The following CFH variants were observed in gnomAD, a reference collection of about 807,000 sequenced individuals.
CFH encodes the protein complement factor H.
Under a neutral mutation model 147.3 loss-of-function variants are expected in CFH, and 53 were observed. That is an observed-to-expected ratio of 0.36 (90% CI 0.29 to 0.45). The LOEUF (loss-of-function observed/expected upper bound fraction) is 0.45, where lower values mean the gene tolerates loss of function less well. Ranked by LOEUF, CFH falls within the 20% of genes least tolerant of loss-of-function variation. The pLI, the probability that CFH is intolerant of heterozygous loss-of-function variation, is 1.00. For synonymous variants in CFH, 536 were observed against 489.4 expected (o/e 1.10, Z -1.26); for missense variants, 1,380 against 1,498.0 (o/e 0.92, Z 1.30).
In CFH at chr1:196,715,638, A is replaced by G. The variant is rs1668852429; in HGVS notation, c.1565A>G (p.Asp522Gly). ...TTTATGAATGCCAGAACTAAAAATG[A>G]CTTCACATGGTTTAAGCTGAATGAC... Reference protein sequence around the residue: ...PVFMNARTKNDFTWFKLNDTL... With the variant: ...PVFMNARTKNGFTWFKLNDTL... The change falls in exon 11 of 22, where the codon GAC (aspartate) becomes GGC (glycine). Residue 522 changes from aspartate (D) to glycine (G), a missense_variant. Coordinates refer to ENST00000367429, the MANE Select transcript of CFH (RefSeq NM_000186.4). The G allele has an allele frequency of 5.6e-6, 9 of 1,612,818 alleles. No individual in the cohort carries two copies. The highest frequency in any genetic ancestry group is 1.7e-4 in the Middle Eastern group (1 of 6,048).
At chr1:196,714,051 C>T (rs914149143) in intron 10 of CFH, 134 bp downstream of exon 10, 2 of 769,016 alleles carry the variant, frequency 2.6e-6, no homozygotes. Flanking sequence ...ACAAAGCAGA[C>T]ATCAATTTTT....
chr1:196,744,933 C>G (rs999225638), intron 20 of CFH, among the ~76,000 whole-genome samples: 8 of 151,948 alleles, frequency 5.3e-5, no homozygotes, highest in African/African-American at 1.9e-4. Flanking sequence ...GTATTGATCC[C>G]CTTACTTGTA....
At chr1:196,667,256 G>A (rs1026525141) in intron 1 of CFH, among the ~76,000 whole-genome samples, 5 of 152,146 alleles carry the variant, frequency 3.3e-5, no homozygotes, top group Admixed American at 3.3e-4. Context: ...GTTTCATGGT[G>A]TAAATTCTCA....
In CFH at chr1:196,679,742, G is replaced by A. The variant is rs1292872264; in HGVS notation, c.739G>A (p.Gly247Arg). Residue 247 changes from glycine to arginine, a missense_variant, in exon 6 of 22, where the codon GGA becomes AGA. Around this residue, in one of 4 missense-constraint regions of CFH, gnomAD observed 167 missense variants for 228.0 expected, o/e 0.73. Transcript: ENST00000367429. ...CNMGYEYSER[G>R]DAVCTESGWR... ...CATGGGTTATGAATACAGTGAAAGAGGAGATGCTGTATGCACTGAATCTGG... is the reference window on the plus strand; with the variant it reads ...CATGGGTTATGAATACAGTGAAAGAAGAGATGCTGTATGCACTGAATCTGG... The A allele has an allele frequency of 2.5e-6, 4 of 1,611,722 alleles. No individual in the cohort carries two copies. The Admixed American group carries it at 5.0e-5, about 20-fold the overall frequency.
intron 17 of CFH, among the ~76,000 whole-genome samples, chr1:196,739,571 C>A (rs1652732189): frequency 6.6e-6 from 1 of 152,164 alleles, no homozygotes; most frequent in Non-Finnish European, 1.5e-5. Flanking sequence ...ACCACCCCAT[C>A]CTGGACTTCA....
intron 5 of CFH, chr1:196,678,019 T>G: frequency 3.5e-6 from 1 of 288,332 alleles, no homozygotes; most frequent in South Asian, 3.6e-5. Context: ...ATTGTAGTTG[T>G]CTCTTAGGTT....
chr1:196,736,390 T>C (rs742855), intron 15 of CFH, among the ~76,000 whole-genome samples: 24,676 of 152,014 alleles, frequency 0.16, 2,517 homozygotes, highest in East Asian at 0.48. Flanking sequence ...TCAGATTCCA[T>C]TGGCAGAAAA....
intron 20 of CFH, 61 bp from the exon 21 acceptor site, chr1:196,745,756 T>C: frequency 6.3e-7 from 1 of 1,590,096 alleles, no homozygotes; most frequent in South Asian, 1.1e-5. Context: ...GTTTGCCTTA[T>C]TTGAACTTGT....
chr1:196,736,949 G>A lies in CFH; in HGVS notation c.2539G>A (p.Glu847Lys). Residue 847 changes from glutamate (E) to lysine (K), a missense_variant, in exon 16 of 22, where the codon GAA becomes AAA. Transcript: ENST00000367429. ...TTGCCAAGAAAATTATCTAATTCAG[G>A]AAGGAGAAGAAATTACATGCAAAGA... ...VLCQENYLIQ[E>K]GEEITCKDGR... 1 of 1,611,898 alleles carries A rather than the reference G, an allele frequency of 6.2e-7. No homozygotes were observed.
intron 1 of CFH, among the ~76,000 whole-genome samples, chr1:196,667,751 C>G (rs2149074271): frequency 6.6e-6 from 1 of 152,190 alleles, no homozygotes; most frequent in East Asian, 1.9e-4. Flanking sequence ...ATTTTTCTCT[C>G]TTCTTTTCCT....
intron 10 of CFH, among the ~76,000 whole-genome samples, chr1:196,714,739 C>T (rs990959196): frequency 5.6e-5 from 7 of 125,384 alleles, no homozygotes; most frequent in Non-Finnish European, 1.1e-4. Context: ...GCTCTGTCGT[C>T]GGCCAGGCTG....
intron 15 of CFH, among the ~76,000 whole-genome samples, chr1:196,730,851 T>C (rs559457931): frequency 1.5e-3 from 221 of 151,964 alleles, no homozygotes; most frequent in African/African-American, 5.1e-3. Context: ...TGTACCTTTA[T>C]ACAATTTTTC....
chr1:196,686,745 A>G (rs919766047), intron 7 of CFH, among the ~76,000 whole-genome samples: 2 of 152,120 alleles, frequency 1.3e-5, no homozygotes, highest in Non-Finnish European at 2.9e-5. Context: ...TTCAGCCCAA[A>G]TGTATCTAAA....
chr1:196,675,179 T>C (rs1441454683), intron 3 of CFH, among the ~76,000 whole-genome samples: 1 of 152,154 alleles, frequency 6.6e-6, no homozygotes, highest in African/African-American at 2.4e-5. Context: ...GATAAAAATG[T>C]ATAGATCTGA....
intron 15 of CFH, among the ~76,000 whole-genome samples, chr1:196,730,042 T>C (rs1669245919): frequency 6.6e-6 from 1 of 151,868 alleles, no homozygotes; most frequent in Non-Finnish European, 1.5e-5. Context: ...ACTATTTTCA[T>C]TGATATTTTG....
chr1:196,684,117 G>A (rs1286998138), intron 6 of CFH, among the ~76,000 whole-genome samples: 1 of 151,888 alleles, frequency 6.6e-6, no homozygotes, highest in African/African-American at 2.4e-5. Context: ...GAGTGAGAAG[G>A]TGCCTTATAG....
chr1:196,721,626 T>G (rs76000037), intron 11 of CFH, among the ~76,000 whole-genome samples: 3,054 of 152,112 alleles, frequency 0.02, 95 homozygotes, highest in African/African-American at 0.069. Context: ...TTTTTGTCCC[T>G]GCAATCTGTC....
chr1:196,654,672 A>T (rs1049205365), intron 1 of CFH, among the ~76,000 whole-genome samples: 1 of 152,208 alleles, frequency 6.6e-6, no homozygotes, highest in Non-Finnish European at 1.5e-5. Context: ...CAAGATGATT[A>T]AAGTGAATAA....
At chr1:196,671,644 C>CAT (rs1318027702) in intron 1 of CFH, among the ~76,000 whole-genome samples, 3 of 146,978 alleles carry the variant, frequency 2.0e-5, no homozygotes, top group Admixed American at 6.8e-5. Context: ...TACATATACA[C>CAT]ATATATATAC....
Sources: gnomAD v4.1 joint callset for allele counts (sites outside exome capture counted in the v4.1 genomes callset) on GRCh38, gnomAD v4.1.1 for gene constraint, gnomAD v4.1.1 regional missense constraint, MANE v1.5 for transcripts, NCBI Gene and HGNC (gene_info 2026-07-23, HGNC 2026-07-21) for gene names.